DLG2: variants seen among roughly 807,000 people sequenced by gnomAD.
The protein encoded by DLG2 is discs large MAGUK scaffold protein 2.
DLG2 carries 45 observed loss-of-function variants against 132.5 expected under a neutral mutation model. The observed-to-expected ratio is 0.34, with a 90% CI of 0.27 to 0.44. DLG2 has a LOEUF of 0.44. Among genes scored for constraint, DLG2 ranks in the 20% least tolerant of loss-of-function variants. DLG2 has a pLI of 1.00. For missense variants in DLG2, 1,045 were observed against 1,196.9 expected (o/e 0.87, Z 1.87); for synonymous variants, 424 against 419.6 (o/e 1.01, Z -0.13).
At chr11:84,800,927 A>G (rs1271927591) in intron 6 of DLG2, among the ~76,000 whole-genome samples, 1 of 152,160 alleles carries the variant, frequency 6.6e-6, no homozygotes, top group East Asian at 1.9e-4. Context: ...TTTCCCAGGA[A>G]TATTTTTGCC....
chr11:85,176,506 A>C (rs1229227937), intron 4 of DLG2, among the ~76,000 whole-genome samples: 2 of 152,186 alleles, frequency 1.3e-5, no homozygotes, highest in Non-Finnish European at 2.9e-5. Context: ...AAACTATGAA[A>C]ACCCTAGAAG....
At chr11:83,466,385 AAAC>A (rs1024383767) in intron 26 of DLG2, among the ~76,000 whole-genome samples, 19 of 152,210 alleles carry the variant, frequency 1.2e-4, no homozygotes, top group African/African-American at 3.9e-4. Context: ...GCTATCCTCA[AAAC>A]AACAACAACA....
chr11:83,850,260 T>A (rs1199096877), intron 16 of DLG2, among the ~76,000 whole-genome samples: 1 of 151,892 alleles, frequency 6.6e-6, no homozygotes, highest in Non-Finnish European at 1.5e-5. Context: ...TTCAAGAGAT[T>A]CTCCTGCCTC....
intron 7 of DLG2, among the ~76,000 whole-genome samples, chr11:84,486,743 C>T (rs889215530): frequency 6.6e-6 from 1 of 152,032 alleles, no homozygotes; most frequent in Non-Finnish European, 1.5e-5. Context: ...AAATCAGCTA[C>T]CCCAAGACAA....
At chr11:84,915,044 T>G (rs1021896851) in intron 6 of DLG2, among the ~76,000 whole-genome samples, 2 of 152,206 alleles carry the variant, frequency 1.3e-5, no homozygotes, top group Admixed American at 6.5e-5. Context: ...CCAGGCTATA[T>G]GGAGAAGCCC....
intron 7 of DLG2, among the ~76,000 whole-genome samples, chr11:84,320,580 T>C (rs1174794137): frequency 6.6e-6 from 1 of 152,234 alleles, no homozygotes; most frequent in Admixed American, 6.5e-5. Context: ...TTGGCCTAGA[T>C]AATCTCCAGA....
intron 21 of DLG2, among the ~76,000 whole-genome samples, chr11:83,487,973 ATGTT>A (rs939197798): frequency 8.6e-5 from 13 of 151,886 alleles, no homozygotes; most frequent in African/African-American, 2.4e-4. Context: ...GGGAGATAAA[ATGTT>A]TGTTATACAA....
chr11:85,184,781 G>GA lies in DLG2; in HGVS notation c.187-30131dup, dbSNP rs138279083. Among the ~76,000 whole-genome samples, 852 of 147,676 alleles carry GA rather than the reference G, an allele frequency of 5.8e-3. 8 individuals are homozygous for GA. The highest frequency in any genetic ancestry group is 0.02 in the African/African-American group (797 of 40,382). ...CACTTCTGTAATATGAACTTCTTTG[G>GA]AAAAAAAAATAAAAGCAAGTTACCA... On this transcript the variant is annotated intron_variant, in intron 4 of 27. Transcript: ENST00000376104.
At chr11:84,200,596 A>G (rs1236783930) in intron 8 of DLG2, among the ~76,000 whole-genome samples, 1 of 152,032 alleles carries the variant, frequency 6.6e-6, no homozygotes, top group Admixed American at 6.6e-5. Context: ...TGTTTTTTCC[A>G]TTTGTTTGTG....
At chr11:85,586,391 A>G (rs770549811) in intron 3 of DLG2, among the ~76,000 whole-genome samples, 1 of 151,958 alleles carries the variant, frequency 6.6e-6, no homozygotes, top group African/African-American at 2.4e-5. Flanking sequence ...GCTGCTTGTT[A>G]TTGGTCTGTT....
intron 6 of DLG2, among the ~76,000 whole-genome samples, chr11:84,995,427 T>C (rs1432768792): frequency 6.6e-6 from 1 of 152,198 alleles, no homozygotes; most frequent in Non-Finnish European, 1.5e-5. Context: ...GTGCTCATCA[T>C]AGCTCTTATA....
intron 3 of DLG2, chr11:85,469,562 A>G (rs2092916847): frequency 6.6e-6 from 1 of 152,220 alleles, no homozygotes; most frequent in South Asian, 2.1e-4. Flanking sequence ...TAATTATGTC[A>G]TGGCCAAAAT....
At chr11:85,266,451 G>T (rs1463100713) in intron 4 of DLG2, among the ~76,000 whole-genome samples, 1 of 152,144 alleles carries the variant, frequency 6.6e-6, no homozygotes, top group Admixed American at 6.5e-5. Flanking sequence ...ACACAGTAGG[G>T]CCTGTTGGGG....
chr11:83,742,648 C>T (rs1004018018), intron 18 of DLG2, among the ~76,000 whole-genome samples: 1 of 152,130 alleles, frequency 6.6e-6, no homozygotes, highest in Non-Finnish European at 1.5e-5. Context: ...ACAGTATGTA[C>T]TTACTTTCTG....
At chr11:83,858,466 T>A (rs1469080253) in intron 16 of DLG2, among the ~76,000 whole-genome samples, 1 of 152,198 alleles carries the variant, frequency 6.6e-6, no homozygotes, top group Non-Finnish European at 1.5e-5. Context: ...ATCCTCCAGA[T>A]AAAATGGAGC....
chr11:84,014,910 G>A lies in DLG2; in HGVS notation c.920-34268C>T, dbSNP rs561393715. Among the ~76,000 whole-genome samples the A allele has an allele frequency of 3.3e-4, 50 of 150,950 alleles. 1 individual carries two copies. The highest frequency in any genetic ancestry group is 1.8e-3 in the Admixed American group (27 of 15,118). On this transcript the variant is annotated intron_variant, in intron 11 of 27. Transcript: ENST00000376104. The stretch of plus-strand genomic sequence containing the variant: ...ATCTACACAGCATATCTCCACCCTC[G>A]AGAATGTTACTTCTTGTTCTGGAAA...
chr11:84,893,838 A>C (rs1434766128), intron 6 of DLG2, among the ~76,000 whole-genome samples: 1 of 152,194 alleles, frequency 6.6e-6, no homozygotes, highest in Non-Finnish European at 1.5e-5. Context: ...ATTAATAAGT[A>C]TTTACAGGAA....
chr11:84,317,006 C>A (rs747275992), intron 7 of DLG2: 13 of 1,612,838 alleles, frequency 8.1e-6, no homozygotes, highest in Non-Finnish European at 1.1e-5. Context: ...GGTCTGAGAA[C>A]TGTACCCGAG....
intron 14 of DLG2, among the ~76,000 whole-genome samples, chr11:83,953,647 G>T (rs1178916518): frequency 6.6e-6 from 1 of 152,176 alleles, no homozygotes; most frequent in Non-Finnish European, 1.5e-5. Flanking sequence ...GTATACATCT[G>T]TGGGCAATTA....
Sources: gnomAD v4.1 joint callset for allele counts (sites outside exome capture counted in the v4.1 genomes callset) on GRCh38, gnomAD v4.1.1 for gene constraint, MANE v1.5 for transcripts, NCBI Gene and HGNC (gene_info 2026-07-23, HGNC 2026-07-21) for gene names.